EMB: variants seen among roughly 807,000 people sequenced by gnomAD.
EMB encodes the protein embigin homolog.
In EMB, 31 loss-of-function variants were observed where a neutral mutation model predicts 41.4. The ratio of observed to expected loss-of-function variants is 0.75; its 90% CI spans 0.56 to 1.01. The LOEUF (loss-of-function observed/expected upper bound fraction) is 1.01, where lower values mean the gene tolerates loss of function less well. EMB is among the 50% of genes least tolerant of loss of function. The probability of loss-of-function intolerance (pLI) is 0.00; values close to 1 mark genes in which losing one functional copy is unlikely to be tolerated. For missense variants in EMB, 379 were observed against 388.3 expected (o/e 0.98, Z 0.20); for synonymous variants, 137 against 140.4 (o/e 0.98, Z 0.17).
Position 50,403,362 on chromosome 5 carries a change from A to C in EMB, c.693T>G (p.Asp231Glu). Residue 231 changes from aspartate (D) to glutamate (E), a missense_variant, in exon 6 of 9, where the codon GAT (aspartate) becomes GAG (glutamate). Asp to Glu is a conservative substitution (Grantham distance 45). Transcript: ENST00000303221. ...KLKITQLLEE[D>E]GESYWCRALF... Reference sequence around the variant, plus strand: ...GTGCACGGCACCAGTAAGATTCCCCATCTTCCTCCAAAAGTTGTGTTATCT... The same window carrying C: ...GTGCACGGCACCAGTAAGATTCCCCCTCTTCCTCCAAAAGTTGTGTTATCT... The C allele has an allele frequency of 6.2e-7, 1 of 1,612,666 alleles. No individual in the cohort carries two copies. The highest frequency in any genetic ancestry group is 1.3e-5 in the African/African-American group (1 of 74,892).
At chr5:50,431,961 A>G (rs1745727266) in intron 1 of EMB, among the ~76,000 whole-genome samples, 1 of 152,202 alleles carries the variant, frequency 6.6e-6, no homozygotes, top group Non-Finnish European at 1.5e-5. Flanking sequence ...ATATTTTAAA[A>G]TGTGTTGCTA....
chr5:50,441,355 C>T (rs1361477549), upstream of EMB: 2 of 376,460 alleles, frequency 5.3e-6, no homozygotes, highest in African/African-American at 4.2e-5. Flanking sequence ...GCCCGGCCCT[C>T]CATCAGTTAT....
At chr5:50,437,812 A>C (rs563579165) in intron 1 of EMB, among the ~76,000 whole-genome samples, 40 of 152,192 alleles carry the variant, frequency 2.6e-4, no homozygotes, top group Admixed American at 7.2e-4. Flanking sequence ...CTGGAAGTTA[A>C]AAGGATCATT....
chr5:50,405,309 T>C (rs1374435490), intron 5 of EMB, among the ~76,000 whole-genome samples: 1 of 151,938 alleles, frequency 6.6e-6, no homozygotes, highest in Non-Finnish European at 1.5e-5. Flanking sequence ...TTTTGCATTC[T>C]ATCACAGATG....
intron 2 of EMB, among the ~76,000 whole-genome samples, chr5:50,425,323 G>C (rs1392939527): frequency 2.0e-5 from 3 of 152,034 alleles, no homozygotes; most frequent in African/African-American, 4.8e-5. Context: ...CCTTGTGGGA[G>C]AGCTGCTCAC....
intron 2 of EMB, among the ~76,000 whole-genome samples, chr5:50,412,257 GAC>G (rs59853245): frequency 0.4 from 56,996 of 141,268 alleles, 11,210 homozygotes; most frequent in African/African-American, 0.55. Flanking sequence ...CACACACACA[GAC>G]ACACACACAC....
rs369171068 is a variant in EMB, at chr5:50,399,101, A to G, written c.*172T>C. The G allele has an allele frequency of 4.0e-6, 3 of 758,652 alleles. No homozygotes were observed. In the African/African-American group the frequency reaches 5.4e-5, roughly 14 times the overall value. The allele number at this position is 758,652 out of a possible 1,614,324, so 47.0% of individuals were successfully genotyped here. A position where few individuals can be genotyped will look rare whatever the true frequency, so the allele number is the denominator to read the frequency against. The stretch of plus-strand genomic sequence containing the variant: ...TATGTAACATAATTACAGAATGAAA[A>G]TATACCTTTAGATCTGACATATATC... On this transcript the variant is annotated 3_prime_UTR_variant, in exon 9 of 9. Coordinates refer to ENST00000303221, the MANE Select transcript of EMB (RefSeq NM_198449.3).
chr5:50,425,230 T>C (rs1745590356), intron 2 of EMB, among the ~76,000 whole-genome samples: 1 of 152,170 alleles, frequency 6.6e-6, no homozygotes, highest in Non-Finnish European at 1.5e-5. Context: ...TCTTGACTAA[T>C]CTTCCCGAAT....
At chr5:50,422,774 T>C (rs1424317595) in intron 2 of EMB, among the ~76,000 whole-genome samples, 2 of 152,078 alleles carry the variant, frequency 1.3e-5, no homozygotes, top group African/African-American at 4.8e-5. Flanking sequence ...AAATTCAGTA[T>C]CCAAAATTTA....
At chr5:50,416,384 T>G (rs2111812189) in intron 2 of EMB, among the ~76,000 whole-genome samples, 1 of 152,356 alleles carries the variant, frequency 6.6e-6, no homozygotes, top group South Asian at 2.1e-4. Flanking sequence ...GTAACATTTT[T>G]AAAGTATATG....
chr5:50,403,401 G>A lies in EMB; in HGVS notation c.654C>T (p.Asn218=), dbSNP rs563520753. The change falls in exon 6 of 9, where the codon AAC becomes AAT. Residue 218 remains asparagine (N), a synonymous_variant. Transcript: ENST00000303221. ...GTTGTGTTATCTTCAGCTTTGTTTC[G>A]TTAGCATATGTTCCATTGATCACAT... ...NKYVINGTYA[N]ETKLKITQLL... is the part of the protein sequence containing the mutation. 165 of 1,612,416 alleles carry A rather than the reference G, an allele frequency of 1.0e-4. No individual in the cohort carries two copies. The East Asian group carries it at 1.5e-3, about 14-fold the overall frequency.
intron 2 of EMB, among the ~76,000 whole-genome samples, chr5:50,421,354 C>T (rs1457377866): frequency 6.6e-6 from 1 of 152,216 alleles, no homozygotes. Flanking sequence ...GATACCATCT[C>T]ATACCAGTTA....
chr5:50,433,489 T>C (rs573049246), intron 1 of EMB, among the ~76,000 whole-genome samples: 10 of 152,290 alleles, frequency 6.6e-5, no homozygotes, highest in Admixed American at 4.6e-4. Context: ...ACCCCGAAAG[T>C]TAATAACTAA....
intron 2 of EMB, among the ~76,000 whole-genome samples, chr5:50,416,716 G>A (rs1257951017): frequency 6.6e-6 from 1 of 152,142 alleles, no homozygotes; most frequent in Middle Eastern, 3.4e-3. Context: ...TCATAATGAG[G>A]TAGGAGGTGG....
At chr5:50,425,684 A>AT (rs1377596487) in intron 2 of EMB, among the ~76,000 whole-genome samples, 1 of 151,010 alleles carries the variant, frequency 6.6e-6, no homozygotes, top group Non-Finnish European at 1.5e-5. Context: ...CAAATTTATG[A>AT]TTAAGCAAGT....
intron 1 of EMB, chr5:50,428,830 GT>G (rs1215850159): frequency 3.7e-5 from 25 of 670,888 alleles, no homozygotes; most frequent in Non-Finnish European, 3.9e-5. Context: ...AAGAAACAAG[GT>G]TTCTATTTCC....
intron 1 of EMB, among the ~76,000 whole-genome samples, chr5:50,433,977 ATGTCTC>A (rs935583250): frequency 5.3e-5 from 8 of 152,084 alleles, no homozygotes; most frequent in African/African-American, 1.2e-4. Context: ...CCCTCTGTAT[ATGTCTC>A]TGTCTCTGTT....
intron 6 of EMB, among the ~76,000 whole-genome samples, chr5:50,402,789 C>A (rs1745185030): frequency 7.4e-6 from 1 of 136,038 alleles, no homozygotes; most frequent in African/African-American, 2.7e-5. Context: ...TTCTTTTAGA[C>A]TTTTTATATT....
At chr5:50,420,827 A>G (rs1156265532) in intron 2 of EMB, among the ~76,000 whole-genome samples, 8 of 152,324 alleles carry the variant, frequency 5.3e-5, no homozygotes, top group Admixed American at 1.3e-4. Context: ...CTGAAGGTTC[A>G]AGCATATTAA....
Sources: gnomAD v4.1 joint callset for allele counts (sites outside exome capture counted in the v4.1 genomes callset) on GRCh38, gnomAD v4.1.1 for gene constraint, MANE v1.5 for transcripts, NCBI Gene and HGNC (gene_info 2026-07-23, HGNC 2026-07-21) for gene names.